Variants in PRDM2 observed in about 807,000 individuals in gnomAD.
The protein encoded by PRDM2 is PR/SET domain 2.
Under a neutral mutation model 130.0 loss-of-function variants are expected in PRDM2, and 30 were observed. The observed-to-expected ratio is 0.23, with a 90% confidence interval of 0.17 to 0.31. PRDM2 has a LOEUF of 0.31. Ranked by LOEUF, PRDM2 falls within the 10% of genes least tolerant of loss-of-function variation. The pLI is 1.00. For synonymous variants in PRDM2, 871 were observed against 782.4 expected, an observed-to-expected ratio of 1.11 and a Z score of -1.89; for missense variants, 2,011 against 2,108.4, an observed-to-expected ratio of 0.95 and a Z score of 0.90.
chr1:13,770,854 A>G (rs1463241253), intron 6 of PRDM2, among the ~76,000 whole-genome samples: 2 of 152,210 alleles, frequency 1.3e-5, no homozygotes, highest in Non-Finnish European at 2.9e-5. Context: ...ACATGGTAAT[A>G]AAAGAAGCCG....
chr1:13,725,951 G>T (rs1040158333), intron 2 of PRDM2, among the ~76,000 whole-genome samples: 1 of 152,224 alleles, frequency 6.6e-6, no homozygotes, highest in African/African-American at 2.4e-5. Context: ...TTACTCAGCA[G>T]GGCTGCTCTG....
chr1:13,820,788 G>A (rs1331610632), intron 9 of PRDM2, among the ~76,000 whole-genome samples: 1 of 151,944 alleles, frequency 6.6e-6, no homozygotes, highest in Non-Finnish European at 1.5e-5. Flanking sequence ...CCTCTCGGTG[G>A]GGGACTGGCA....
At chr1:13,754,785 C>T (rs935321810) in intron 6 of PRDM2, among the ~76,000 whole-genome samples, 1 of 152,194 alleles carries the variant, frequency 6.6e-6, no homozygotes, top group Admixed American at 6.5e-5. Context: ...TGCCCACTGA[C>T]TTATAGGGCA....
intron 8 of PRDM2, among the ~76,000 whole-genome samples, chr1:13,795,908 C>G (rs938981394): frequency 1.3e-5 from 2 of 152,090 alleles, no homozygotes; most frequent in East Asian, 3.8e-4. Context: ...GAGCAGTTGC[C>G]CAGGGTGCTG....
intron 1 of PRDM2, among the ~76,000 whole-genome samples, chr1:13,702,988 T>C (rs1642112684): frequency 6.6e-6 from 1 of 152,208 alleles, no homozygotes; most frequent in Non-Finnish European, 1.5e-5. Context: ...ACTGCCGCCC[T>C]GTGTCTAGGG....
At chr1:13,717,139 A>G (rs1374705406) in intron 2 of PRDM2, among the ~76,000 whole-genome samples, 2 of 152,234 alleles carry the variant, frequency 1.3e-5, no homozygotes, top group African/African-American at 4.8e-5. Context: ...TCTGGCGAAC[A>G]CATGGGGCAC....
chr1:13,819,567 T>TA (rs1645314245), intron 9 of PRDM2, among the ~76,000 whole-genome samples: 1 of 152,180 alleles, frequency 6.6e-6, no homozygotes, highest in Non-Finnish European at 1.5e-5. Context: ...AAATAATTTT[T>TA]TAAAAAAATC....
At chr1:13,822,542 C>A (rs917645501) in intron 9 of PRDM2, among the ~76,000 whole-genome samples, 4 of 152,102 alleles carry the variant, frequency 2.6e-5, no homozygotes, top group African/African-American at 9.6e-5. Context: ...ACTACAGGCA[C>A]CTGCCACCAT....
chr1:13,787,532 T>A, intron 8 of PRDM2: 3 of 983,000 alleles, frequency 3.1e-6, no homozygotes, highest in Non-Finnish European at 3.6e-6. Context: ...ATTTGTTTGG[T>A]GAATTTGTGC....
chr1:13,819,696 A>G (rs984832969), intron 9 of PRDM2, among the ~76,000 whole-genome samples: 1 of 152,244 alleles, frequency 6.6e-6, no homozygotes, highest in African/African-American at 2.4e-5. Flanking sequence ...CAAGTACCAG[A>G]TCAGGGTGCC....
rs576805853 is a variant in PRDM2, at chr1:13,790,544, C to T, written c.5036+7713C>T. ...GGGCCTTGCCCTTCTGGTGGCTTGACCTTTCCTGAAGGGTTTGCCTCACAA... is the reference window on the plus strand; with the variant it reads ...GGGCCTTGCCCTTCTGGTGGCTTGATCTTTCCTGAAGGGTTTGCCTCACAA... On this transcript the variant is annotated intron_variant, in intron 8 of 9. Transcript: ENST00000311066. 7.2e-5 allele frequency among the ~76,000 whole-genome samples: 11 copies of T among 152,196 alleles called. No individual in the cohort carries two copies. The South Asian group carries it at 2.3e-3, about 32-fold the overall frequency.
chr1:13,799,295 A>G (rs1414182920), intron 8 of PRDM2, among the ~76,000 whole-genome samples: 1 of 152,128 alleles, frequency 6.6e-6, no homozygotes, highest in Admixed American at 6.6e-5. Flanking sequence ...AATACCAAAA[A>G]TTAGCTGGGC....
intron 8 of PRDM2, among the ~76,000 whole-genome samples, chr1:13,790,836 C>A (rs1043472014): frequency 1.6e-4 from 24 of 152,142 alleles, no homozygotes; most frequent in Admixed American, 4.6e-4. Flanking sequence ...CTCCCTCCCC[C>A]CCTTCTGCCC....
At position 13,779,279 on chromosome 1, in the gene PRDM2, A is replaced by G. The variant is rs1369241191; in HGVS notation, c.1484A>G (p.His495Arg). 3 of 1,614,156 alleles carry G rather than the reference A, an allele frequency of 1.9e-6. No individual in the cohort carries two copies. Among genetic ancestry groups the G allele is most frequent in the Non-Finnish European group, 2.5e-6 (3 of 1,179,994 alleles). ...CKYCKKVFGT[H>R]TNMRRHQRRV... ...TATTGTAAAAAGGTTTTTGGAACTC[A>G]TACTAATATGAGACGGCATCAGCGT... Residue 495 changes from histidine to arginine, a missense_variant, in exon 8 of 10, where the codon CAT (histidine) becomes CGT (arginine). Transcript: ENST00000311066. The surrounding 1 kb of genome is among the most constrained non-coding windows in gnomAD (Gnocchi z 4.9).
At position 13,782,649 on chromosome 1, in the gene PRDM2, C is replaced by G; in HGVS notation, c.4854C>G (p.Ser1618Arg). 1 of 1,614,094 alleles carries G rather than the reference C, an allele frequency of 6.2e-7. No homozygotes were observed. Among genetic ancestry groups the G allele is most frequent in the East Asian group, 2.2e-5 (1 of 44,882 alleles). ...SRSLHVRVQK[S>R]KAVLQSKSTL... is the part of the protein sequence containing the mutation. Reference sequence around the variant, plus strand: ...GCCTGCACGTGAGGGTACAGAAAAGCAAAGCTGTTTTACAAAGCAAATCCA... The same window carrying G: ...GCCTGCACGTGAGGGTACAGAAAAGGAAAGCTGTTTTACAAAGCAAATCCA... Residue 1618 changes from serine to arginine, a missense_variant, in exon 8 of 10, where the codon AGC becomes AGG. This residue lies in a region of PRDM2 where 410 missense variants were observed against 395.9 expected (regional missense o/e 1.04). Transcript: ENST00000311066.
chr1:13,809,225 G>T (rs1645133234), intron 8 of PRDM2, among the ~76,000 whole-genome samples: 1 of 152,228 alleles, frequency 6.6e-6, no homozygotes, highest in African/African-American at 2.4e-5. Context: ...TGCAGCAGGG[G>T]CGTGTCGTGG....
chr1:13,768,231 C>T (rs1644276572), intron 6 of PRDM2, among the ~76,000 whole-genome samples: 1 of 151,148 alleles, frequency 6.6e-6, no homozygotes, highest in Non-Finnish European at 1.5e-5. Flanking sequence ...TACAGGCGCC[C>T]ACCACCACGC....
At chr1:13,720,672 C>T (rs980082006) in intron 2 of PRDM2, among the ~76,000 whole-genome samples, 10 of 152,122 alleles carry the variant, frequency 6.6e-5, no homozygotes, top group African/African-American at 2.4e-4. Context: ...CAGGCACTAG[C>T]CTAAGTGCTT....
At chr1:13,712,458 C>G (rs1003664756) in intron 1 of PRDM2, among the ~76,000 whole-genome samples, 11 of 152,224 alleles carry the variant, frequency 7.2e-5, no homozygotes, top group African/African-American at 2.4e-4. Context: ...GCTCCATCCT[C>G]CCATGCCCTC....
Sources: allele counts gnomAD v4.1 joint callset (sites outside exome capture counted in the v4.1 genomes callset), GRCh38; gene constraint gnomAD v4.1.1; regional missense constraint gnomAD v4.1.1; non-coding constraint Gnocchi (gnomAD v3.1); transcripts MANE v1.5; gene names NCBI Gene and HGNC (gene_info 2026-07-23, HGNC 2026-07-21).